The following WDR88 variants were observed in gnomAD, a reference collection of about 807,000 sequenced individuals.
WDR88 encodes WD repeat domain 88.
In WDR88, 40 loss-of-function variants were observed where a neutral mutation model predicts 46.8. The ratio of observed to expected loss-of-function variants is 0.86; its 90% CI spans 0.66 to 1.11. The LOEUF (loss-of-function observed/expected upper bound fraction) is 1.11. Ranked by LOEUF, WDR88 falls within the 50% of genes most tolerant of loss-of-function variation. The pLI is 0.00. For missense variants in WDR88, 562 were observed against 602.4 expected (o/e 0.93, Z 0.70); for synonymous variants, 235 against 240.7 (o/e 0.98, Z 0.22).
chr19:33,136,727 T>C (rs1293764354), intron 1 of WDR88, among the ~76,000 whole-genome samples: 1 of 150,268 alleles, frequency 6.7e-6, no homozygotes, highest in Admixed American at 6.7e-5. Flanking sequence ...GATGGCTGGC[T>C]AATTTATTTA....
intron 2 of WDR88, among the ~76,000 whole-genome samples, chr19:33,139,222 G>A (rs528675179): frequency 7.9e-4 from 121 of 152,352 alleles, no homozygotes; most frequent in African/African-American, 2.6e-3. Context: ...CAGGGGCACC[G>A]GGGATGGGGC....
At chr19:33,167,234 T>A (rs1973967083) in intron 9 of WDR88, among the ~76,000 whole-genome samples, 1 of 152,100 alleles carries the variant, frequency 6.6e-6, no homozygotes, top group Non-Finnish European at 1.5e-5. Context: ...GTGGGATTTA[T>A]CCCAGGGATA....
intron 9 of WDR88, among the ~76,000 whole-genome samples, chr19:33,168,277 C>T (rs183091067): frequency 7.9e-4 from 119 of 151,300 alleles, no homozygotes; most frequent in African/African-American, 2.7e-3. Flanking sequence ...CCACCCGCCT[C>T]GGCCTCCCAA....
chr19:33,135,824 T>C (rs1249700846), intron 1 of WDR88, among the ~76,000 whole-genome samples: 1 of 152,248 alleles, frequency 6.6e-6, no homozygotes, highest in Non-Finnish European at 1.5e-5. Flanking sequence ...GGGACTTTGA[T>C]GATAGCCATC....
At chr19:33,132,523 C>A in intron 1 of WDR88, 78 bp downstream of exon 1, 1 of 1,554,320 alleles carries the variant, frequency 6.4e-7, no homozygotes. Flanking sequence ...GTCGGGGGAC[C>A]CATGGAAAAC....
rs1568363568 is a variant in WDR88 at position 33,148,818 on chromosome 19, CTGATGGT to C, written c.588_594del (p.Asp197AsnfsTer15). 4.3e-6 allele frequency: 7 copies of C among 1,614,142 alleles called. No individual in the cohort carries two copies. In the South Asian group the frequency reaches 7.7e-5, roughly 18 times the overall value. On this transcript the variant is annotated frameshift_variant, in exon 5 of 11. Coordinates refer to ENST00000355868, the MANE Select transcript of WDR88 (RefSeq NM_173479.4). LOFTEE classifies it high-confidence loss of function. ...TTCATCGTCTCCTGTAAGTTTTCTC[CTGATGGT>C]AAATACGTGGTCTCAGGCTTCGACG... is the stretch of plus-strand genomic sequence containing the variant.
At chr19:33,157,677 GTGTATGTATGTA>G (rs1235076425) in intron 7 of WDR88, among the ~76,000 whole-genome samples, 21 of 3,452 alleles carry the variant, frequency 6.1e-3, no homozygotes, top group African/African-American at 0.015. Flanking sequence ...ATGTGTGTGT[GTGTATGTATGTA>G]TATATATATA....
intron 10 of WDR88, 46 bp downstream of exon 10, chr19:33,172,486 C>T (rs199637460): frequency 7.6e-5 from 111 of 1,457,396 alleles, no homozygotes; most frequent in Middle Eastern, 1.8e-4. Context: ...TTCGTTAGTT[C>T]CCTCTATAAA....
In WDR88 at chr19:33,156,672, A is replaced by G. The variant is rs1421631310; in HGVS notation, c.997+130A>G. 5 of 1,107,072 alleles carry G rather than the reference A, an allele frequency of 4.5e-6. No homozygotes were observed. In the East Asian group the frequency reaches 1.3e-4, roughly 28 times the overall value. 68.6% of individuals were successfully genotyped at this position (1,107,072 alleles called of 1,614,324 possible). Reference sequence around the variant, plus strand: ...CAGGGAGGGCGGATTCTTCCCCACGAGAACAAAAAACCCAAGAGGGAAGAC... The same window carrying G: ...CAGGGAGGGCGGATTCTTCCCCACGGGAACAAAAAACCCAAGAGGGAAGAC... On this transcript the variant is annotated intron_variant, in intron 7 of 10. Coordinates refer to ENST00000355868, the MANE Select transcript of WDR88 (RefSeq NM_173479.4).
At chr19:33,170,327 C>T (rs1341275107) in intron 9 of WDR88, among the ~76,000 whole-genome samples, 1 of 151,944 alleles carries the variant, frequency 6.6e-6, no homozygotes, top group Non-Finnish European at 1.5e-5. Context: ...ACAAGGTGCC[C>T]GCGATCATGC....
rs149951617 is a variant in WDR88 at position 33,136,345 on chromosome 19, G to A, written c.277-1332G>A. On this transcript the variant is annotated intron_variant, in intron 1 of 10. Coordinates refer to ENST00000355868, the MANE Select transcript of WDR88 (RefSeq NM_173479.4). ...GCTGGGATTATAGGCATGAGCCACCGTGCCTGGCCTAATTTTTGTATTTTT... is the reference window on the plus strand; with the variant it reads ...GCTGGGATTATAGGCATGAGCCACCATGCCTGGCCTAATTTTTGTATTTTT... 2.8e-3 allele frequency among the ~76,000 whole-genome samples: 420 copies of A among 151,944 alleles called. 5 individuals are homozygous for A. Among genetic ancestry groups the A allele is most frequent in the Non-Finnish European group, 1.0e-3 (69 of 67,952 alleles).
chr19:33,172,926 C>G (rs753436699), intron 10 of WDR88, among the ~76,000 whole-genome samples: 1 of 151,638 alleles, frequency 6.6e-6, no homozygotes, highest in Non-Finnish European at 1.5e-5. Context: ...CCTGTCTCTA[C>G]TACAAATACA....
At chr19:33,148,083 G>A (rs1973556452) in intron 4 of WDR88, among the ~76,000 whole-genome samples, 1 of 152,048 alleles carries the variant, frequency 6.6e-6, no homozygotes, top group Admixed American at 6.6e-5. Context: ...GACAGGAAGT[G>A]GGGCTGAGGC....
At chr19:33,134,851 C>A (rs1034588406) in intron 1 of WDR88, among the ~76,000 whole-genome samples, 1 of 137,544 alleles carries the variant, frequency 7.3e-6, no homozygotes, top group Non-Finnish European at 1.6e-5. Flanking sequence ...CCCCCCCCCC[C>A]GCCCCGCATC....
chr19:33,175,374 C>T (rs768214919), intron 10 of WDR88, 22 bp from the exon 11 acceptor site: 7 of 1,612,576 alleles, frequency 4.3e-6, no homozygotes, highest in South Asian at 1.1e-5. Context: ...CCTTTCTGCT[C>T]TTTTAAAATA....
chr19:33,140,348 G>T (rs961754865), intron 2 of WDR88, among the ~76,000 whole-genome samples: 3 of 152,240 alleles, frequency 2.0e-5, no homozygotes, highest in Admixed American at 6.6e-5. Flanking sequence ...TTGTAGAGAT[G>T]AGGGTCTTGC....
At chr19:33,137,838 T>A in intron 2 of WDR88, 51 bp downstream of exon 2, 1 of 1,510,326 alleles carries the variant, frequency 6.6e-7, no homozygotes, top group South Asian at 1.1e-5. Context: ...TTCCTAAGCT[T>A]AGGCACCTCC....
chr19:33,140,038 C>T (rs1973357652), intron 2 of WDR88, among the ~76,000 whole-genome samples: 1 of 152,206 alleles, frequency 6.6e-6, no homozygotes, highest in Admixed American at 6.5e-5. Flanking sequence ...CCCTCCGTAG[C>T]TGTCCTTATG....
chr19:33,168,032 C>CTTTCTTT lies in WDR88; in HGVS notation c.1149+3770_1149+3771insCTTTTTT, dbSNP rs544368936. 5.9e-4 allele frequency among the ~76,000 whole-genome samples: 81 copies of CTTTCTTT among 137,724 alleles called. 1 individual carries two copies. Among genetic ancestry groups the CTTTCTTT allele is most frequent in the Admixed American group, 7.2e-4 (10 of 13,816 alleles). 90.4% of individuals were successfully genotyped at this position (137,724 alleles called of 152,430 possible). On this transcript the variant is annotated intron_variant, in intron 9 of 10. Coordinates refer to ENST00000355868, the MANE Select transcript of WDR88 (RefSeq NM_173479.4). ...CATGCCCAGCCAAAATGATTTCTTT[C>CTTTCTTT]TTTTTTTTTTTTTGAGATGGAGTCT...
Sources: gnomAD v4.1 joint callset for allele counts (sites outside exome capture counted in the v4.1 genomes callset) on GRCh38, gnomAD v4.1.1 for gene constraint, MANE v1.5 for transcripts, NCBI Gene and HGNC (gene_info 2026-07-23, HGNC 2026-07-21) for gene names.